LIN54: variants seen among roughly 807,000 people sequenced by gnomAD.
LIN54 encodes the protein protein lin-54 homolog.
A neutral mutation model predicts 78.7 loss-of-function variants in LIN54; 9 were observed. The ratio of observed to expected loss-of-function variants is 0.11; its 90% confidence interval spans 0.07 to 0.20. The LOEUF is 0.20. Ranked by LOEUF, LIN54 falls within the 10% of genes least tolerant of loss-of-function variation. LIN54 has a pLI of 1.00. For synonymous variants in LIN54, 269 were observed against 318.4 expected, an observed-to-expected ratio of 0.84 and a Z score of 1.65; for missense variants, 573 against 889.9, an observed-to-expected ratio of 0.64 and a Z score of 4.53.
Position 82,996,475 on chromosome 4 carries a change from AGCTCACTGCAACCTCT to A in LIN54, c.-32-11615_-32-11600del, listed in dbSNP as rs561956589. Among the ~76,000 whole-genome samples, 57 of 152,082 alleles carry A rather than the reference AGCTCACTGCAACCTCT, an allele frequency of 3.7e-4. No individual in the cohort carries two copies. In the East Asian group the frequency reaches 0.011, roughly 28 times the overall value. ...GGCTGGAATGCAGTGGCATGATCTC[AGCTCACTGCAACCTCT>A]GCCTCCCGGGTTCAAGAGATTCTCC... On this transcript the variant is annotated intron_variant, in intron 1 of 12. Transcript: ENST00000340417.
intron 4 of LIN54, among the ~76,000 whole-genome samples, chr4:82,951,544 G>C (rs1723845899): frequency 1.3e-5 from 2 of 152,050 alleles, no homozygotes; most frequent in South Asian, 4.1e-4. Context: ...AATAGTATGG[G>C]ATTAGCCTAG....
intron 3 of LIN54, among the ~76,000 whole-genome samples, chr4:82,976,245 G>C (rs1002210637): frequency 6.6e-6 from 1 of 152,124 alleles, no homozygotes; most frequent in African/African-American, 2.4e-5. Flanking sequence ...AAATGAACAA[G>C]GCCAAGAAAA....
intron 11 of LIN54, among the ~76,000 whole-genome samples, chr4:82,935,159 C>T (rs1352321821): frequency 2.0e-5 from 3 of 151,734 alleles, no homozygotes; most frequent in African/African-American, 7.3e-5. Flanking sequence ...TTTGGTTTTC[C>T]GCAGAGCAGT....
At position 82,984,824 on chromosome 4, in the gene LIN54, C is replaced by T; in HGVS notation, c.21G>A (p.Glu7=). 6.2e-7 allele frequency: 1 copy of T among 1,611,208 alleles called. No homozygotes were observed. Among genetic ancestry groups the T allele is most frequent in the Non-Finnish European group, 8.5e-7 (1 of 1,178,654 alleles). Residue 7 remains glutamate (E), a synonymous_variant, in exon 2 of 13, where the codon GAG becomes GAA. Coordinates refer to ENST00000340417, the MANE Select transcript of LIN54 (RefSeq NM_194282.4). MEVVPA[E]VNSLLPEEIM... Reference sequence around the variant, plus strand: ...TTTCCTCTGGAAGCAAACTATTCACCTCAGCTGGCACCACCTCCATGATCG... The same window carrying T: ...TTTCCTCTGGAAGCAAACTATTCACTTCAGCTGGCACCACCTCCATGATCG...
intron 1 of LIN54, among the ~76,000 whole-genome samples, chr4:83,005,670 G>A (rs531926622): frequency 5.3e-5 from 8 of 151,904 alleles, no homozygotes; most frequent in South Asian, 2.1e-4. Context: ...TGGCGAGGCC[G>A]TGGGAACACG....
At chr4:82,972,253 T>C (rs1208315257) in intron 3 of LIN54, among the ~76,000 whole-genome samples, 7 of 152,098 alleles carry the variant, frequency 4.6e-5, no homozygotes, top group African/African-American at 9.7e-5. Flanking sequence ...CAATGGAGTT[T>C]TGTCATGTTG....
intron 11 of LIN54, among the ~76,000 whole-genome samples, chr4:82,933,253 A>G (rs1319104575): frequency 6.7e-6 from 1 of 150,322 alleles, no homozygotes; most frequent in Non-Finnish European, 1.5e-5. Flanking sequence ...ATATATATAT[A>G]TTTGTTTTTT....
At chr4:82,948,923 T>C (rs1723622649) in intron 4 of LIN54, among the ~76,000 whole-genome samples, 1 of 152,220 alleles carries the variant, frequency 6.6e-6, no homozygotes, top group African/African-American at 2.4e-5. Context: ...CATTCATCTG[T>C]CAACAGGTTG....
At chr4:83,007,033 G>A (rs1402247788) in intron 1 of LIN54, among the ~76,000 whole-genome samples, 3 of 152,022 alleles carry the variant, frequency 2.0e-5, no homozygotes, top group African/African-American at 7.2e-5. Flanking sequence ...CCAGCTACTC[G>A]AGAGGCCGAG....
Position 82,927,638 on chromosome 4 carries a change from C to G in LIN54, c.*464G>C, listed in dbSNP as rs1721587256. 6.5e-6 allele frequency: 1 copy of G among 153,234 alleles called. No homozygotes were observed. The highest frequency in any genetic ancestry group is 2.4e-5 in the African/African-American group (1 of 41,386). 9.5% of individuals were successfully genotyped at this position (153,234 alleles called of 1,614,324 possible). On this transcript the variant is annotated 3_prime_UTR_variant, in exon 13 of 13. Coordinates refer to ENST00000340417, the MANE Select transcript of LIN54 (RefSeq NM_194282.4). The stretch of plus-strand genomic sequence containing the variant: ...TTAAAAGATAGTCCTTTTCTAAATA[C>G]AAAATGTCATTTGAATGTGTTTCAT...
Position 82,937,241 on chromosome 4 carries a change from T to G in LIN54, c.1590A>C (p.Ser530=). 7.0e-7 allele frequency: 1 copy of G among 1,434,926 alleles called. No homozygotes were observed. The allele number at this position is 1,434,926 out of a possible 1,614,324, so 88.9% of individuals were successfully genotyped here. Residue 530 remains serine (S), a synonymous_variant, in exon 9 of 13, where the codon TCA becomes TCC. Transcript: ENST00000340417. ...RPRKPCNCTK[S]LCLKLYCDCF... ...AAAACACTTACAATTTCAAACACAG[T>G]GATTTTGTACAATTACAGGGCTTTC...
chr4:82,964,987 A>T (rs7663428), intron 4 of LIN54, among the ~76,000 whole-genome samples: 82,210 of 151,998 alleles, frequency 0.54, 24,074 homozygotes, highest in East Asian at 0.78. Flanking sequence ...AACAGAGGTG[A>T]GAGTCCGTCT....
At position 82,984,310 on chromosome 4, in the gene LIN54, G is replaced by C. The variant is rs757983893; in HGVS notation, c.535C>G (p.Pro179Ala). Residue 179 changes from proline to alanine, a missense_variant, in exon 2 of 13, where the codon CCA (proline) becomes GCA (alanine). Pro to Ala is a conservative substitution (Grantham distance 27). Coordinates refer to ENST00000340417, the MANE Select transcript of LIN54 (RefSeq NM_194282.4). ...TQAQSGDAKL[P>A]PQQIKVVTIG... ...GTAACTACTTTAATTTGCTGCGGTG[G>C]TAACTTAGCATCTCCTGACTGGGCC... is the stretch of plus-strand genomic sequence containing the variant. 1 of 1,613,982 alleles carries C rather than the reference G, an allele frequency of 6.2e-7. No homozygotes were observed. Among genetic ancestry groups the C allele is most frequent in the Non-Finnish European group, 8.5e-7 (1 of 1,180,026 alleles).
chr4:82,948,121 G>A (rs1332397970), intron 4 of LIN54, among the ~76,000 whole-genome samples: 2 of 152,076 alleles, frequency 1.3e-5, no homozygotes, highest in Admixed American at 1.3e-4. Flanking sequence ...GGAAGCTACT[G>A]AAAAATCAAG....
chr4:82,964,466 T>C (rs1186819241), intron 4 of LIN54, among the ~76,000 whole-genome samples: 3 of 152,230 alleles, frequency 2.0e-5, no homozygotes, highest in Admixed American at 1.3e-4. Context: ...AAGTTTGATA[T>C]ATTTTTCTCC....
chr4:82,928,633 T>TGTA (rs1721683410), intron 12 of LIN54, among the ~76,000 whole-genome samples: 1 of 152,204 alleles, frequency 6.6e-6, no homozygotes, highest in Non-Finnish European at 1.5e-5. Context: ...AAATCATGAA[T>TGTA]GTACGCTCTG....
chr4:82,936,733 C>T (rs1722424956), intron 9 of LIN54, among the ~76,000 whole-genome samples: 1 of 152,088 alleles, frequency 6.6e-6, no homozygotes, highest in East Asian at 1.9e-4. Flanking sequence ...AAAGGAAAAA[C>T]ACTAGCTATA....
intron 1 of LIN54, among the ~76,000 whole-genome samples, chr4:82,989,845 C>T (rs560162128): frequency 2.0e-5 from 3 of 152,256 alleles, no homozygotes; most frequent in South Asian, 2.1e-4. Context: ...AGCTCTATAT[C>T]CTTATTGTGG....
At chr4:82,973,610 TA>T (rs1198009139) in intron 3 of LIN54, among the ~76,000 whole-genome samples, 1 of 152,228 alleles carries the variant, frequency 6.6e-6, no homozygotes, top group African/African-American at 2.4e-5. Context: ...CCAAATTCTT[TA>T]AGAGATTAAT....
Sources: allele counts gnomAD v4.1 joint callset (sites outside exome capture counted in the v4.1 genomes callset), GRCh38; gene constraint gnomAD v4.1.1; transcripts MANE v1.5; gene names NCBI Gene and HGNC (gene_info 2026-07-23, HGNC 2026-07-21).